Variants in ABI3BP observed in about 807,000 individuals in gnomAD.
The protein encoded by ABI3BP is ABI family member 3 binding protein, also known as target of Nesh-SH3.
Under a neutral mutation model 268.6 loss-of-function variants are expected in ABI3BP, and 216 were observed. That is an observed-to-expected ratio of 0.80 (90% CI 0.72 to 0.90). ABI3BP has a LOEUF of 0.90. Ranked by LOEUF, ABI3BP falls within the 40% of genes least tolerant of loss-of-function variation. The pLI, the probability that ABI3BP is intolerant of heterozygous loss-of-function variation, is 0.00. For synonymous variants in ABI3BP, 730 were observed against 730.0 expected (o/e 1.00, Z 0.00); for missense variants, 2,090 against 2,182.4 (o/e 0.96, Z 0.84).
intron 1 of ABI3BP, among the ~76,000 whole-genome samples, chr3:100,946,103 G>A (rs982961803): frequency 1.3e-5 from 2 of 152,036 alleles, no homozygotes; most frequent in Non-Finnish European, 2.9e-5. Context: ...GAACATGGTG[G>A]CTCATGCCTG....
At chr3:100,898,637 T>G (rs1582551649) in intron 4 of ABI3BP, 125 bp downstream of exon 4, 1 of 1,102,808 alleles carries the variant, frequency 9.1e-7, no homozygotes, top group Non-Finnish European at 1.2e-6. Flanking sequence ...CCCCTGACTT[T>G]GTTCCCCTCA....
intron 1 of ABI3BP, among the ~76,000 whole-genome samples, chr3:100,976,863 C>A (rs2086477430): frequency 6.6e-6 from 1 of 151,840 alleles, no homozygotes; most frequent in Non-Finnish European, 1.5e-5. Context: ...ATAGCAGGAC[C>A]AATACAGATC....
chr3:100,764,076 T>C (rs559000648), intron 63 of ABI3BP, among the ~76,000 whole-genome samples: 2 of 152,178 alleles, frequency 1.3e-5, no homozygotes, highest in South Asian at 4.1e-4. Context: ...GAGGTAAAAA[T>C]AGCCTATTTT....
At chr3:100,785,065 T>A (rs778321618) in intron 57 of ABI3BP, among the ~76,000 whole-genome samples, 2 of 152,140 alleles carry the variant, frequency 1.3e-5, no homozygotes, top group Non-Finnish European at 2.9e-5. Context: ...ATAAAAATTT[T>A]AAAAAATAAA....
chr3:100,865,470 C>G (rs1020659304), intron 10 of ABI3BP, among the ~76,000 whole-genome samples: 2 of 152,030 alleles, frequency 1.3e-5, no homozygotes, highest in African/African-American at 4.8e-5. Context: ...CAGATTTGTC[C>G]CAAATGCTAG....
At chr3:100,753,027 C>G in intron 65 of ABI3BP, 79 bp from the exon 66 acceptor site, 1 of 1,376,846 alleles carries the variant, frequency 7.3e-7, no homozygotes, top group Non-Finnish European at 9.8e-7. Flanking sequence ...CAAAATTTGT[C>G]AACTTGCTGA....
intron 17 of ABI3BP, 93 bp from the exon 18 acceptor site, chr3:100,848,968 CT>C: frequency 1.0e-6 from 1 of 961,084 alleles, no homozygotes; most frequent in Non-Finnish European, 1.6e-6. Context: ...AGTACAAGAA[CT>C]GCTTTATATT....
chr3:100,846,471 A>G, intron 19 of ABI3BP, 25 bp from the exon 20 acceptor site: 1 of 1,521,554 alleles, frequency 6.6e-7, no homozygotes. Context: ...AAACAAAATA[A>G]TAAACAAATC....
intron 1 of ABI3BP, among the ~76,000 whole-genome samples, chr3:100,931,903 T>C (rs2063763542): frequency 6.6e-6 from 1 of 151,914 alleles, no homozygotes; most frequent in South Asian, 2.1e-4. Context: ...GCCAAAGCAA[T>C]TCTAAACAAA....
At chr3:100,767,791 G>A (rs900378924) in intron 62 of ABI3BP, among the ~76,000 whole-genome samples, 2 of 151,996 alleles carry the variant, frequency 1.3e-5, no homozygotes, top group Non-Finnish European at 2.9e-5. Context: ...TTCAACAGGT[G>A]GTACCTATTA....
chr3:100,909,398 CCAAAATAGTCA>C (rs2055164023), intron 2 of ABI3BP, among the ~76,000 whole-genome samples: 2 of 149,562 alleles, frequency 1.3e-5, no homozygotes, highest in South Asian at 4.2e-4. Context: ...AAAAAAAAAG[CCAAAATAGTCA>C]AATGGGATCT....
Position 100,770,834 on chromosome 3 carries a change from G to T in ABI3BP, c.4650C>A (p.Asn1550Lys). The change falls in exon 62 of 68, where the codon AAC (asparagine) becomes AAA (lysine). Residue 1550 changes from asparagine (N) to lysine (K), a missense_variant. Coordinates refer to ENST00000471714, the MANE Select transcript of ABI3BP (RefSeq NM_001375547.2). ...TEGNATSPPQNPPTNLTVVTV... is the reference protein window; with the variant it reads ...TEGNATSPPQKPPTNLTVVTV... The stretch of plus-strand genomic sequence containing the variant: ...TGACCACAGTGAGGTTGGTGGGTGG[G>T]TTCTGTGGTGGGCTGGTGGCATTCC... 6.2e-7 allele frequency: 1 copy of T among 1,603,200 alleles called. No individual in the cohort carries two copies. Among genetic ancestry groups the T allele is most frequent in the South Asian group, 1.1e-5 (1 of 88,164 alleles).
chr3:100,884,667 CAG>C (rs944174459), intron 6 of ABI3BP, among the ~76,000 whole-genome samples: 2 of 152,010 alleles, frequency 1.3e-5, no homozygotes, highest in African/African-American at 4.8e-5. Flanking sequence ...GCACACATCT[CAG>C]AGAGCAAAAT....
chr3:100,878,020 A>C (rs1460217139), intron 6 of ABI3BP, among the ~76,000 whole-genome samples: 2 of 152,190 alleles, frequency 1.3e-5, no homozygotes, highest in Non-Finnish European at 2.9e-5. Flanking sequence ...AAAGTTTACT[A>C]TTATCAGATT....
chr3:100,756,776 G>GGT (rs2095641350), intron 63 of ABI3BP, among the ~76,000 whole-genome samples: 1 of 130,654 alleles, frequency 7.7e-6, no homozygotes, highest in African/African-American at 2.9e-5. Context: ...TACTTTTTGG[G>GGT]TTTTTTTTTT....
At chr3:100,900,056 C>T (rs1448768589) in intron 3 of ABI3BP, among the ~76,000 whole-genome samples, 1 of 152,174 alleles carries the variant, frequency 6.6e-6, no homozygotes, top group African/African-American at 2.4e-5. Context: ...ACAGAATACA[C>T]CTAACCTAGT....
chr3:100,833,247 T>G, intron 29 of ABI3BP, 90 bp from the exon 30 acceptor site: 1 of 1,236,698 alleles, frequency 8.1e-7, no homozygotes, highest in Non-Finnish European at 1.1e-6. Context: ...AAGTGAACTT[T>G]ACCATTATAG....
intron 7 of ABI3BP, among the ~76,000 whole-genome samples, chr3:100,875,927 T>G (rs1202459787): frequency 6.6e-6 from 1 of 152,294 alleles, no homozygotes; most frequent in South Asian, 2.1e-4. Flanking sequence ...TTTAGAAAAT[T>G]TATTTTCTCA....
chr3:100,817,856 C>A (rs1010281758), intron 41 of ABI3BP, among the ~76,000 whole-genome samples: 2 of 152,134 alleles, frequency 1.3e-5, no homozygotes, highest in Non-Finnish European at 2.9e-5. Context: ...GGATAAATAT[C>A]TTGTTAACTA....
Sources: allele counts gnomAD v4.1 joint callset (sites outside exome capture counted in the v4.1 genomes callset), GRCh38; gene constraint gnomAD v4.1.1; transcripts MANE v1.5; gene names NCBI Gene and HGNC (gene_info 2026-07-23, HGNC 2026-07-21).